PVT1: variants seen among roughly 807,000 people sequenced by gnomAD.
The protein encoded by PVT1 is CXCR4/PVT1 fusion.
At chr8:127,916,919 A>T (rs115991131) in intron 3 of PVT1, among the ~76,000 whole-genome samples, 2,565 of 152,288 alleles carry the variant, frequency 0.017, 73 homozygotes, top group African/African-American at 0.059. Context: ...TTCGGTTCTG[A>T]TAGCAGGATG....
intron 3 of PVT1, among the ~76,000 whole-genome samples, chr8:127,934,421 G>C (rs1816246876): frequency 6.6e-6 from 1 of 152,226 alleles, no homozygotes; most frequent in South Asian, 2.1e-4. Context: ...CCCTCTGGGT[G>C]TCTTCCTCCC....
At chr8:128,072,667 A>C (rs1039275) in intron 5 of PVT1, among the ~76,000 whole-genome samples, 1 of 151,910 alleles carries the variant, frequency 6.6e-6, no homozygotes, top group Admixed American at 6.6e-5. Context: ...TTCTTAACCA[A>C]GCTAAATGGA....
intron 2 of PVT1, among the ~76,000 whole-genome samples, chr8:127,838,797 T>G (rs926293732): frequency 2.0e-5 from 3 of 152,210 alleles, no homozygotes; most frequent in African/African-American, 7.2e-5. Context: ...ATTAGCTCAT[T>G]TCATCTTCGT....
intron 4 of PVT1, among the ~76,000 whole-genome samples, chr8:127,992,028 C>T (rs575674765): frequency 1.3e-5 from 2 of 150,462 alleles, no homozygotes; most frequent in Non-Finnish European, 2.9e-5. Flanking sequence ...CTATTTGACT[C>T]TGGGCAAGTC....
intron 2 of PVT1, among the ~76,000 whole-genome samples, chr8:127,838,828 A>G (rs913528401): frequency 1.3e-5 from 2 of 152,222 alleles, no homozygotes; most frequent in Admixed American, 6.5e-5. Context: ...TGTTCTAAGT[A>G]CAGTCATGTA....
At chr8:127,847,807 T>G (rs924165555) in intron 2 of PVT1, among the ~76,000 whole-genome samples, 1 of 152,068 alleles carries the variant, frequency 6.6e-6, no homozygotes, top group Non-Finnish European at 1.5e-5. Context: ...TCTGTTAGGA[T>G]GCACAGGAAA....
chr8:127,829,885 G>A (rs186775614), intron 2 of PVT1, among the ~76,000 whole-genome samples: 2 of 152,270 alleles, frequency 1.3e-5, no homozygotes, highest in Admixed American at 6.5e-5. Context: ...TCCACATGAA[G>A]GCTCCGAAAA....
chr8:127,895,861 C>G (rs74770771), intron 3 of PVT1, among the ~76,000 whole-genome samples: 1,824 of 152,240 alleles, frequency 0.012, 49 homozygotes, highest in African/African-American at 0.042. Flanking sequence ...TCAGTTCTGC[C>G]TTTGTATCTG....
intron 5 of PVT1, among the ~76,000 whole-genome samples, chr8:128,078,484 C>T (rs1171616579): frequency 6.6e-6 from 1 of 152,140 alleles, no homozygotes; most frequent in Non-Finnish European, 1.5e-5. Flanking sequence ...TGGGTTAGCC[C>T]AGATTACTTA....
At chr8:127,816,988 T>C (rs1437686730) in intron 2 of PVT1, among the ~76,000 whole-genome samples, 1 of 152,168 alleles carries the variant, frequency 6.6e-6, no homozygotes, top group Admixed American at 6.6e-5. Context: ...TCCAAGGACA[T>C]GTGAGTTGTT....
intron 3 of PVT1, among the ~76,000 whole-genome samples, chr8:127,973,873 G>A (rs1816792046): frequency 1.3e-5 from 2 of 151,794 alleles, no homozygotes; most frequent in South Asian, 2.1e-4. Flanking sequence ...CCAGCTACTC[G>A]GGAGGCTGAG....
At position 127,937,915 on chromosome 8, in the gene PVT1, C is replaced by T. The variant is rs187525789; in HGVS notation, n.782+46917C>T. Among the ~76,000 whole-genome samples the T allele has an allele frequency of 3.7e-4, 56 of 152,272 alleles. 1 individual carries two copies. The highest frequency in any genetic ancestry group is 1.2e-3 in the African/African-American group (50 of 41,566). ...CAGAGCTAGAATTTAGTCTCTGTCA[C>T]GCTAAATCGTGCTACATGCTCCGTC... is the stretch of plus-strand genomic sequence containing the variant. On this transcript the variant is annotated intron_variant and non_coding_transcript_variant, in intron 3 of 10. Coordinates refer to ENST00000651587, the Ensembl canonical transcript of PVT1.
At chr8:128,094,213 T>C (rs1326530690) in intron 5 of PVT1, among the ~76,000 whole-genome samples, 1 of 152,216 alleles carries the variant, frequency 6.6e-6, no homozygotes, top group Non-Finnish European at 1.5e-5. Flanking sequence ...TTGTACAGCT[T>C]GCACATTAAG....
At chr8:127,875,886 G>A (rs748410770) in intron 2 of PVT1, among the ~76,000 whole-genome samples, 8 of 152,302 alleles carry the variant, frequency 5.3e-5, no homozygotes, top group East Asian at 3.9e-4. Context: ...ACCATCACTC[G>A]TATTCTTTTT....
chr8:127,856,454 G>C (rs1197684097), intron 2 of PVT1, among the ~76,000 whole-genome samples: 1 of 151,044 alleles, frequency 6.6e-6, no homozygotes. Context: ...TGATTCTCCT[G>C]TCTCAGCCTC....
chr8:127,839,585 TAA>T (rs1215776062), intron 2 of PVT1, among the ~76,000 whole-genome samples: 3 of 134,206 alleles, frequency 2.2e-5, no homozygotes, highest in East Asian at 2.1e-4. Flanking sequence ...AAAAAAAAAA[TAA>T]AAAAAAATAA....
intron 2 of PVT1, among the ~76,000 whole-genome samples, chr8:127,864,081 G>A (rs1041188859): frequency 2.6e-5 from 4 of 152,216 alleles, no homozygotes; most frequent in Admixed American, 1.3e-4. Context: ...GGGGAAAGAA[G>A]CCTCTTTCCT....
intron 3 of PVT1, among the ~76,000 whole-genome samples, chr8:127,987,330 G>T (rs1441763363): frequency 2.0e-5 from 3 of 152,164 alleles, no homozygotes; most frequent in African/African-American, 7.2e-5. Context: ...GAAAGGGAGG[G>T]TTACAGCCAG....
chr8:127,972,428 C>T (rs1380760991), intron 3 of PVT1, among the ~76,000 whole-genome samples: 1 of 152,188 alleles, frequency 6.6e-6, no homozygotes. Flanking sequence ...CACTGGGTTG[C>T]TCCTGCTTGA....
Sources: gnomAD v4.1 joint callset for allele counts (sites outside exome capture counted in the v4.1 genomes callset) on GRCh38, gnomAD v4.1.1 for gene constraint, MANE v1.5 for transcripts, NCBI Gene and HGNC (gene_info 2026-07-23, HGNC 2026-07-21) for gene names.